Variants in ARSF observed in about 807,000 individuals in gnomAD.
ARSF encodes the protein arylsulfatase F.
A neutral mutation model predicts 35.4 loss-of-function variants in ARSF; 33 were observed. The ratio of observed to expected loss-of-function variants is 0.93; its 90% CI spans 0.71 to 1.25. ARSF has a LOEUF of 1.25. Among genes scored for constraint, ARSF ranks in the 50% most tolerant of loss-of-function variants. ARSF has a pLI of 0.00. For synonymous variants in ARSF, 222 were observed against 193.1 expected, an observed-to-expected ratio of 1.15 and a Z score of -1.24; for missense variants, 501 against 480.2, an observed-to-expected ratio of 1.04 and a Z score of -0.40.
chrX:3,047,607 T>C (rs1431725297), intron 1 of ARSF, among the ~76,000 whole-genome samples: 1 of 111,012 alleles, frequency 9.0e-6, no homozygotes, highest in Non-Finnish European at 1.9e-5. Context: ...AAGTTTTTCC[T>C]GAGGAAATGG....
intron 1 of ARSF, among the ~76,000 whole-genome samples, chrX:3,054,634 G>A (rs974956458): frequency 7.2e-5 from 8 of 110,368 alleles, no homozygotes; most frequent in African/African-American, 2.0e-4. Context: ...GTCTTTTAGG[G>A]CTGTCTACTT....
chrX:3,068,638 T>G (rs932225009), intron 2 of ARSF, among the ~76,000 whole-genome samples: 11 of 110,931 alleles, frequency 9.9e-5, no homozygotes, highest in African/African-American at 3.6e-4. Context: ...TTGCCCAGGT[T>G]GGTCTTGAAC....
chrX:3,112,266 G>C lies in ARSF; in HGVS notation c.1483G>C (p.Gly495Arg), dbSNP rs150949465. The part of the protein sequence containing the change: ...CYVTSLCRCF[G>R]EQVTYHNPPL... The stretch of plus-strand genomic sequence containing the variant: ...TGTCACCTCATTATGCAGATGTTTC[G>C]GAGAACAGGTTACCTACCACAACCC... Residue 495 changes from glycine (G) to arginine (R), a missense_variant, in exon 11 of 11, where the codon GGA (glycine) becomes CGA (arginine). By Grantham distance (125) the Gly-to-Arg change is moderately radical. Coordinates refer to ENST00000381127, the MANE Select transcript of ARSF (RefSeq NM_001201539.2). 6 of 1,210,387 alleles carry C rather than the reference G, an allele frequency of 5.0e-6. No homozygotes were observed. Among genetic ancestry groups the C allele is most frequent in the Non-Finnish European group, 6.7e-6 (6 of 894,902 alleles).
At chrX:3,093,969 A>ATGAT (rs1221449959) in intron 7 of ARSF, among the ~76,000 whole-genome samples, 2 of 111,805 alleles carry the variant, frequency 1.8e-5, no homozygotes, top group African/African-American at 6.5e-5. Context: ...ATTGAAAGTA[A>ATGAT]TGATAGATTG....
intron 4 of ARSF, among the ~76,000 whole-genome samples, chrX:3,080,358 C>T (rs150165685): frequency 0.012 from 1,327 of 109,664 alleles, 17 homozygotes; most frequent in Middle Eastern, 0.032. Context: ...CCCATAGTTC[C>T]AGCTACTTGG....
At chrX:3,090,206 C>T (rs969877972) in intron 7 of ARSF, among the ~76,000 whole-genome samples, 5 of 111,582 alleles carry the variant, frequency 4.5e-5, no homozygotes, top group African/African-American at 1.6e-4. Context: ...AGATTCACAA[C>T]GTGACGTTAA....
At chrX:3,058,317 A>G (rs1048632790) in intron 1 of ARSF, 1 of 118,230 alleles carries the variant, frequency 8.5e-6, no homozygotes, top group African/African-American at 3.3e-5. Flanking sequence ...GACCTGCTGC[A>G]TTTGTGACTT....
chrX:3,069,283 A>AT (rs1371659904), intron 2 of ARSF, among the ~76,000 whole-genome samples: 7 of 109,734 alleles, frequency 6.4e-5, no homozygotes, highest in Middle Eastern at 4.6e-3. Flanking sequence ...TTATTTATTT[A>AT]TTTTTTTGCT....
At chrX:3,102,889 C>G (rs1304309073) in intron 8 of ARSF, among the ~76,000 whole-genome samples, 1 of 107,378 alleles carries the variant, frequency 9.3e-6, no homozygotes, top group East Asian at 2.9e-4. Context: ...TCCAGCCTGG[C>G]AACAGAGCGA....
intron 2 of ARSF, among the ~76,000 whole-genome samples, chrX:3,071,018 A>G (rs1301075378): frequency 9.1e-6 from 1 of 109,808 alleles, no homozygotes; most frequent in African/African-American, 3.3e-5. Context: ...CTGCAGATCT[A>G]TACAGATAAA....
At chrX:3,082,469 CATCT>C (rs777909924) in intron 5 of ARSF, among the ~76,000 whole-genome samples, 123 of 111,630 alleles carry the variant, frequency 1.1e-3, no homozygotes, top group South Asian at 2.7e-3. Flanking sequence ...ATCTACCCAT[CATCT>C]ATCTATCATC....
At chrX:3,061,369 C>T (rs1431683687) in intron 1 of ARSF, among the ~76,000 whole-genome samples, 1 of 111,397 alleles carries the variant, frequency 9.0e-6, no homozygotes, top group African/African-American at 3.3e-5. Flanking sequence ...TAAAGACCAT[C>T]GATGCTAGGA....
chrX:3,077,421 T>C (rs1315991515), intron 4 of ARSF, among the ~76,000 whole-genome samples: 3 of 111,747 alleles, frequency 2.7e-5, no homozygotes, highest in Non-Finnish European at 5.6e-5. Context: ...GGTGGATCAC[T>C]TGAGGTCAGG....
chrX:3,085,018 T>A (rs983579332), intron 6 of ARSF, among the ~76,000 whole-genome samples: 2 of 110,804 alleles, frequency 1.8e-5, no homozygotes, highest in Non-Finnish European at 3.8e-5. Context: ...AATGGAATAT[T>A]GCTAAATGGT....
chrX:3,051,814 G>A (rs182288483), intron 1 of ARSF, among the ~76,000 whole-genome samples: 11 of 110,960 alleles, frequency 9.9e-5, no homozygotes, highest in East Asian at 8.6e-4. Flanking sequence ...GCAGCATAGC[G>A]AGACCTTGTC....
intron 7 of ARSF, among the ~76,000 whole-genome samples, chrX:3,094,252 G>A (rs191455939): frequency 1.8e-5 from 2 of 111,617 alleles, no homozygotes; most frequent in East Asian, 5.7e-4. Context: ...GCCAGGGTTG[G>A]GCTCCAAAGC....
At chrX:3,077,947 G>T (rs2090166476) in intron 4 of ARSF, among the ~76,000 whole-genome samples, 1 of 105,808 alleles carries the variant, frequency 9.5e-6, no homozygotes, top group Admixed American at 1.0e-4. Context: ...GGGATTACAG[G>T]CACGTGCCAC....
At chrX:3,052,436 C>T (rs2090000494) in intron 1 of ARSF, among the ~76,000 whole-genome samples, 1 of 111,966 alleles carries the variant, frequency 8.9e-6, no homozygotes, top group Admixed American at 9.5e-5. Flanking sequence ...CTATCTTAAG[C>T]ATGGGTGTAA....
In ARSF at chrX:3,055,994, C is replaced by T. The variant is rs183556073; in HGVS notation, c.-28-12079C>T. Among the ~76,000 whole-genome samples, 717 of 111,427 alleles carry T rather than the reference C, an allele frequency of 6.4e-3. 7 individuals carry two copies. The highest frequency in any genetic ancestry group is 9.2e-3 in the Middle Eastern group (2 of 218). On this transcript the variant is annotated intron_variant, in intron 1 of 10. Coordinates refer to ENST00000381127, the MANE Select transcript of ARSF (RefSeq NM_001201539.2). Reference sequence around the variant, plus strand: ...CGAGATGGGATCTTGCTCTGTTGCCCGGGCTGTAGAACAGTGGTGGAATTA... The same window carrying T: ...CGAGATGGGATCTTGCTCTGTTGCCTGGGCTGTAGAACAGTGGTGGAATTA...
Sources: gnomAD v4.1 joint callset for allele counts (sites outside exome capture counted in the v4.1 genomes callset) on GRCh38, gnomAD v4.1.1 for gene constraint, MANE v1.5 for transcripts, NCBI Gene and HGNC (gene_info 2026-07-23, HGNC 2026-07-21) for gene names.